Variants in ZC3H12B observed in about 807,000 individuals in gnomAD.
ZC3H12B encodes the protein zinc finger CCCH-type containing 12B.
Under a neutral mutation model 43.9 loss-of-function variants are expected in ZC3H12B, and 7 were observed. The ratio of observed to expected loss-of-function variants is 0.16; its 90% confidence interval spans 0.09 to 0.30. The LOEUF is 0.30. Ranked by LOEUF, ZC3H12B falls within the 10% of genes least tolerant of loss-of-function variation. ZC3H12B has a pLI of 1.00. For synonymous variants in ZC3H12B, 222 were observed against 241.7 expected, an observed-to-expected ratio of 0.92 and a Z score of 0.76; for missense variants, 475 against 670.2, an observed-to-expected ratio of 0.71 and a Z score of 3.22.
At chrX:65,161,892 C>T in the ZC3H12B span, among the ~76,000 whole-genome samples, 1 of 111,951 alleles carries the variant, frequency 8.9e-6, no homozygotes, top group Admixed American at 9.5e-5. Flanking sequence ...CATGATTTTG[C>T]AGTGGCTGGT....
the ZC3H12B span, among the ~76,000 whole-genome samples, chrX:65,177,706 A>G: frequency 1.8e-5 from 2 of 111,814 alleles, no homozygotes; most frequent in African/African-American, 6.5e-5. Context: ...ACCTAGGAAT[A>G]CAACTTAAAA....
chrX:65,236,562 T>C, the ZC3H12B span, among the ~76,000 whole-genome samples: 2 of 112,048 alleles, frequency 1.8e-5, no homozygotes, highest in Non-Finnish European at 3.8e-5. Flanking sequence ...CTAGGTCCCA[T>C]TTGTCAATTT....
chrX:65,113,179 A>G, the ZC3H12B span, among the ~76,000 whole-genome samples: 1 of 111,694 alleles, frequency 9.0e-6, no homozygotes, highest in Non-Finnish European at 1.9e-5. Context: ...TGAAGATGTG[A>G]CAGAATTGCT....
intron 3 of ZC3H12B, among the ~76,000 whole-genome samples, chrX:65,427,709 C>T (rs914669263): frequency 9.0e-6 from 1 of 111,279 alleles, no homozygotes; most frequent in Non-Finnish European, 1.9e-5. Context: ...GGGTCTTGGC[C>T]CTTTATGTAG....
At chrX:65,314,666 G>A in the ZC3H12B span, among the ~76,000 whole-genome samples, 2 of 111,536 alleles carry the variant, frequency 1.8e-5, no homozygotes, top group East Asian at 2.8e-4. Context: ...AATTTTTTTA[G>A]GTTGAAGGGA....
the ZC3H12B span, among the ~76,000 whole-genome samples, chrX:65,204,632 A>G: frequency 8.9e-6 from 1 of 111,834 alleles, no homozygotes; most frequent in Non-Finnish European, 1.9e-5. Context: ...TAAGATGGGT[A>G]GACAACATGT....
At chrX:65,215,278 T>G in the ZC3H12B span, among the ~76,000 whole-genome samples, 1 of 111,796 alleles carries the variant, frequency 8.9e-6, no homozygotes, top group Non-Finnish European at 1.9e-5. Context: ...AGGCATTGAC[T>G]TCTGTCTAGC....
At chrX:65,429,412 G>A (rs1399713796) in intron 3 of ZC3H12B, among the ~76,000 whole-genome samples, 1 of 112,812 alleles carries the variant, frequency 8.9e-6, no homozygotes, top group Non-Finnish European at 1.9e-5. Context: ...CTCCATTCCA[G>A]AGAGAGATCA....
chrX:65,052,526 GT>G, the ZC3H12B span, among the ~76,000 whole-genome samples: 1 of 110,763 alleles, frequency 9.0e-6, no homozygotes, highest in Non-Finnish European at 1.9e-5. Flanking sequence ...GTGAAAAAAT[GT>G]TATGTTTGTC....
the ZC3H12B span, among the ~76,000 whole-genome samples, chrX:65,164,101 C>T: frequency 9.0e-6 from 1 of 111,715 alleles, no homozygotes; most frequent in African/African-American, 3.3e-5. Context: ...TTAATAATTG[C>T]AAGGTAGTGA....
At chrX:65,497,301 A>T (rs1322203762) in intron 2 of ZC3H12B, 30 bp downstream of exon 7, 1 of 1,167,402 alleles carries the variant, frequency 8.6e-7, no homozygotes, top group Non-Finnish European at 1.1e-6. Context: ...ATTTCTTCTC[A>T]TCTAGAGGCA....
chrX:65,452,031 T>C (rs2067521666), intron 3 of ZC3H12B, among the ~76,000 whole-genome samples: 1 of 111,737 alleles, frequency 8.9e-6, no homozygotes, highest in Non-Finnish European at 1.9e-5. Flanking sequence ...AAAGTAAATC[T>C]TGAAGAGCCA....
chrX:65,299,311 C>G, the ZC3H12B span, among the ~76,000 whole-genome samples: 1 of 111,676 alleles, frequency 9.0e-6, no homozygotes, highest in Non-Finnish European at 1.9e-5. Context: ...ACTATAAGGC[C>G]TACACCACAG....
chrX:65,163,348 G>A, the ZC3H12B span, among the ~76,000 whole-genome samples: 1 of 111,569 alleles, frequency 9.0e-6, no homozygotes, highest in African/African-American at 3.3e-5. Context: ...CTGTCTTTTT[G>A]TTTGTCTGTG....
At chrX:65,214,159 A>G in the ZC3H12B span, among the ~76,000 whole-genome samples, 2 of 111,245 alleles carry the variant, frequency 1.8e-5, no homozygotes, top group African/African-American at 6.5e-5. Context: ...CTCAGTGTTA[A>G]TGGCTGCTGA....
chrX:65,211,741 T>C, the ZC3H12B span, among the ~76,000 whole-genome samples: 2 of 85,493 alleles, frequency 2.3e-5, no homozygotes, highest in East Asian at 7.2e-4. Context: ...ATAATATATA[T>C]ATTATATAAT....
the ZC3H12B span, among the ~76,000 whole-genome samples, chrX:65,035,153 T>TG: frequency 8.9e-6 from 1 of 111,913 alleles, no homozygotes; most frequent in African/African-American, 3.2e-5. Context: ...GTTGGACACC[T>TG]GCGCCGCCGC....
chrX:65,259,161 C>G, the ZC3H12B span, among the ~76,000 whole-genome samples: 1 of 112,052 alleles, frequency 8.9e-6, no homozygotes, highest in Non-Finnish European at 1.9e-5. Flanking sequence ...CAATGTCAAA[C>G]TTTACTACAA....
intron 3 of ZC3H12B, among the ~76,000 whole-genome samples, chrX:65,454,351 G>A (rs757047762): frequency 8.9e-6 from 1 of 112,531 alleles, no homozygotes; most frequent in Non-Finnish European, 1.9e-5. Flanking sequence ...CTGGCTCGGA[G>A]GGTCCTACAC....
Sources: gnomAD v4.1 joint callset for allele counts (sites outside exome capture counted in the v4.1 genomes callset) on GRCh38, gnomAD v4.1.1 for gene constraint, MANE v1.5 for transcripts, NCBI Gene and HGNC (gene_info 2026-07-23, HGNC 2026-07-21) for gene names.